The following EPB41L3 variants were observed in gnomAD, a reference collection of about 807,000 sequenced individuals.
EPB41L3 encodes the protein erythrocyte membrane protein band 4.1 like 3.
Under a neutral mutation model 127.1 loss-of-function variants are expected in EPB41L3, and 57 were observed. The observed-to-expected ratio is 0.45, with a 90% confidence interval of 0.36 to 0.56. The LOEUF is 0.56. EPB41L3 is among the 20% of genes least tolerant of loss of function. The probability of loss-of-function intolerance (pLI) is 0.00; values close to 1 mark genes in which losing one functional copy is unlikely to be tolerated. For missense variants in EPB41L3, 1,273 were observed against 1,372.2 expected (o/e 0.93, Z 1.14); for synonymous variants, 572 against 549.5 (o/e 1.04, Z -0.57).
chr18:5,523,369 A>C (rs1053102127), intron 1 of EPB41L3, among the ~76,000 whole-genome samples: 3 of 152,238 alleles, frequency 2.0e-5, no homozygotes, highest in Admixed American at 6.5e-5. Context: ...TGTCAATTGA[A>C]ACAATAAACC....
rs1466680231 is a variant in EPB41L3, at chr18:5,516,233, AG to A, written c.-11-27040del. ...GGGTGGTTGACACCTGGCCATTACTAGGAACTTTCCAAGGGCTCATCTAATT... is the reference window on the plus strand; with the variant it reads ...GGGTGGTTGACACCTGGCCATTACTAGAACTTTCCAAGGGCTCATCTAATT... On this transcript the variant is annotated intron_variant, in intron 1 of 22. Transcript: ENST00000341928. Among the ~76,000 whole-genome samples, 4 of 152,292 alleles carry A rather than the reference AG, an allele frequency of 2.6e-5. No homozygotes were observed. The East Asian group carries it at 7.7e-4, about 29-fold the overall frequency.
intron 3 of EPB41L3, among the ~76,000 whole-genome samples, chr18:5,563,702 A>G (rs1486703856): frequency 1.3e-5 from 2 of 152,122 alleles, no homozygotes; most frequent in Non-Finnish European, 2.9e-5. Flanking sequence ...AATGGCACCC[A>G]ACTGGGGGTG....
chr18:5,462,867 T>C (rs752200886), intron 3 of EPB41L3, among the ~76,000 whole-genome samples: 5 of 152,222 alleles, frequency 3.3e-5, no homozygotes, highest in African/African-American at 4.8e-5. Context: ...AGATTGCTAC[T>C]TTCATATTCC....
chr18:5,544,881 A>C (rs1568553091), upstream of EPB41L3, among the ~76,000 whole-genome samples: 1 of 152,216 alleles, frequency 6.6e-6, no homozygotes, highest in Non-Finnish European at 1.5e-5. Context: ...TGCCTGTATC[A>C]AAACATCTCA....
chr18:5,462,881 C>T (rs896165142), intron 3 of EPB41L3, among the ~76,000 whole-genome samples: 2 of 152,182 alleles, frequency 1.3e-5, no homozygotes, highest in African/African-American at 4.8e-5. Flanking sequence ...ATATTCCAGG[C>T]ACTTTAAATT....
At chr18:5,413,509 G>A (rs2076439560) in intron 13 of EPB41L3, among the ~76,000 whole-genome samples, 1 of 152,194 alleles carries the variant, frequency 6.6e-6, no homozygotes, top group African/African-American at 2.4e-5. Flanking sequence ...TAGTGACTTG[G>A]CAAAACGAAA....
intron 2 of EPB41L3, among the ~76,000 whole-genome samples, chr18:5,612,845 A>C (rs919240862): frequency 6.6e-6 from 1 of 152,172 alleles, no homozygotes; most frequent in African/African-American, 2.4e-5. Flanking sequence ...GGTTCAAGCA[A>C]TTCTCATGCC....
At chr18:5,605,733 A>G (rs1313883060) in intron 3 of EPB41L3, among the ~76,000 whole-genome samples, 2 of 152,054 alleles carry the variant, frequency 1.3e-5, no homozygotes, top group East Asian at 3.9e-4. Context: ...CCTCTTTCTG[A>G]TTTTAGAAAA....
Position 5,543,429 on chromosome 18 carries a change from G to C in EPB41L3, c.-12+484C>G, listed in dbSNP as rs1335965524. 6 of 146,906 alleles carry C rather than the reference G, an allele frequency of 4.1e-5. No individual in the cohort carries two copies. Among genetic ancestry groups the C allele is most frequent in the Non-Finnish European group, 9.1e-5 (6 of 66,104 alleles). The allele number at this position is 146,906 out of a possible 1,614,324, so 9.1% of individuals were successfully genotyped here. A position where few individuals can be genotyped will look rare whatever the true frequency, so the allele number is the denominator to read the frequency against. ...GCCAGCCGCCACCCGCCCGGGCGGC[G>C]CCGCAGTGTCGCCCCCTGTCCCCCG... On this transcript the variant is annotated intron_variant, in intron 1 of 22. Coordinates refer to ENST00000341928, the MANE Select transcript of EPB41L3 (RefSeq NM_012307.5). The surrounding 1 kb of genome is among the most constrained non-coding windows in gnomAD (Gnocchi z 5.2).
chr18:5,412,679 G>A (rs924425637), intron 13 of EPB41L3, among the ~76,000 whole-genome samples: 2 of 152,076 alleles, frequency 1.3e-5, no homozygotes, highest in East Asian at 1.9e-4. Context: ...GACAGTGGTC[G>A]TTAAGAGGGA....
In EPB41L3 at chr18:5,424,250, ATCTC is replaced by A; in HGVS notation, c.1163+8_1163+11del. 1 of 1,541,038 alleles carries A rather than the reference ATCTC, an allele frequency of 6.5e-7. No individual in the cohort carries two copies. The highest frequency in any genetic ancestry group is 1.3e-5 in the South Asian group (1 of 78,538). ...TATTCCTTAGGGAAAAAACAAAATA[ATCTC>A]TTCCTACCTGAAAAATGTATGATGC... On this transcript the variant is annotated splice_region_variant and intron_variant, in intron 10 of 22. Transcript: ENST00000341928.
rs1452074237 is a variant in EPB41L3 at position 5,438,019 on chromosome 18, G to A, written c.605+16C>T. 6.2e-7 allele frequency: 1 copy of A among 1,611,626 alleles called. No homozygotes were observed. Among genetic ancestry groups the A allele is most frequent in the Non-Finnish European group, 8.5e-7 (1 of 1,178,408 alleles). The stretch of plus-strand genomic sequence containing the variant: ...TCCCAATATGCTTGTCTTTTGCATA[G>A]CCAACTTTCAAATACCTGGTGATAT... On this transcript the variant is annotated intron_variant, in intron 6 of 22. Coordinates refer to ENST00000341928, the MANE Select transcript of EPB41L3 (RefSeq NM_012307.5).
Position 5,406,717 on chromosome 18 carries a change from C to T in EPB41L3, c.2349+60G>A, listed in dbSNP as rs748410322. 2.7e-6 allele frequency: 4 copies of T among 1,476,704 alleles called. No individual in the cohort carries two copies. The Admixed American group carries it at 7.3e-5, about 27-fold the overall frequency. The allele number at this position is 1,476,704 out of a possible 1,614,324, so 91.5% of individuals were successfully genotyped here. A position where few individuals can be genotyped will look rare whatever the true frequency, so the allele number is the denominator to read the frequency against. On this transcript the variant is annotated intron_variant, in intron 16 of 22. Coordinates refer to ENST00000341928, the MANE Select transcript of EPB41L3 (RefSeq NM_012307.5). ...AGACTGTCAAATGCAATTCCACACC[C>T]TGTAGAGAAGGAAGGCGGGTAAACA...
intron 1 of EPB41L3, among the ~76,000 whole-genome samples, chr18:5,517,803 C>T (rs1598548824): frequency 6.6e-6 from 1 of 152,062 alleles, no homozygotes; most frequent in Admixed American, 6.5e-5. Flanking sequence ...GCCGGGTCAT[C>T]CCTCCCTCCC....
At chr18:5,403,848 C>T (rs376049441) in intron 16 of EPB41L3, among the ~76,000 whole-genome samples, 3 of 151,756 alleles carry the variant, frequency 2.0e-5, no homozygotes, top group African/African-American at 7.3e-5. Flanking sequence ...AAAAATATCC[C>T]CTCCAAAATA....
chr18:5,439,455 A>C (rs1313988146), intron 5 of EPB41L3, among the ~76,000 whole-genome samples: 1 of 152,168 alleles, frequency 6.6e-6, no homozygotes, highest in Non-Finnish European at 1.5e-5. Context: ...ACTTAGCTTC[A>C]TCAGTTTCTT....
chr18:5,543,965 C>T lies in EPB41L3; in HGVS notation c.-64G>A. ...CCGCGGCGTGGGGACTAGGCTCGGGCGCGCGTCCTCGGCGGCGGTGCGCAG... is the reference window on the plus strand; with the variant it reads ...CCGCGGCGTGGGGACTAGGCTCGGGTGCGCGTCCTCGGCGGCGGTGCGCAG... On this transcript the variant is annotated 5_prime_UTR_variant, in exon 1 of 23. Coordinates refer to ENST00000341928, the MANE Select transcript of EPB41L3 (RefSeq NM_012307.5). This position sits in a 1 kb window ranked among gnomAD's most constrained non-coding sequence, Gnocchi z 5.2. 2.0e-6 allele frequency: 2 copies of T among 985,610 alleles called. No homozygotes were observed. The highest frequency in any genetic ancestry group is 2.4e-6 in the Non-Finnish European group (2 of 830,078). The allele number at this position is 985,610 out of a possible 1,614,324, so 61.1% of individuals were successfully genotyped here.
chr18:5,576,563 A>C (rs975711030), intron 3 of EPB41L3, among the ~76,000 whole-genome samples: 2 of 152,220 alleles, frequency 1.3e-5, no homozygotes, highest in African/African-American at 2.4e-5. Context: ...CTAATTAGCC[A>C]CTTCTAATAC....
chr18:5,575,830 C>T (rs537488108), intron 3 of EPB41L3, among the ~76,000 whole-genome samples: 5 of 152,108 alleles, frequency 3.3e-5, no homozygotes, highest in African/African-American at 1.2e-4. Flanking sequence ...GAGTGAGACT[C>T]CGTCTCAAAA....
Sources: gnomAD v4.1 joint callset for allele counts (sites outside exome capture counted in the v4.1 genomes callset) on GRCh38, gnomAD v4.1.1 for gene constraint, Gnocchi (gnomAD v3.1) non-coding constraint, MANE v1.5 for transcripts, NCBI Gene and HGNC (gene_info 2026-07-23, HGNC 2026-07-21) for gene names.